The following CBR4 variants were observed in gnomAD, a reference collection of about 807,000 sequenced individuals.
The protein encoded by CBR4 is 3-oxoacyl-[acyl-carrier-protein] reductase.
Under a neutral mutation model 21.0 loss-of-function variants are expected in CBR4, and 22 were observed. That is an observed-to-expected ratio of 1.05 (90% CI 0.75 to 1.50). The LOEUF (loss-of-function observed/expected upper bound fraction) is 1.50. Ranked by LOEUF, CBR4 falls within the 40% of genes most tolerant of loss-of-function variation. The pLI is 0.00. For synonymous variants in CBR4, 100 were observed against 104.4 expected (o/e 0.96, Z 0.26); for missense variants, 302 against 286.3 (o/e 1.05, Z -0.40).
At chr4:168,939,588 G>A (rs1050762248) in intron 2 of CBR4, among the ~76,000 whole-genome samples, 3 of 152,098 alleles carry the variant, frequency 2.0e-5, no homozygotes, top group African/African-American at 2.4e-5. Flanking sequence ...GATAAGCAAC[G>A]TCAGCAAAGT....
chr4:168,931,122 T>C (rs1762958712), intron 2 of CBR4, among the ~76,000 whole-genome samples: 1 of 152,180 alleles, frequency 6.6e-6, no homozygotes, highest in African/African-American at 2.4e-5. Context: ...CATCATTGCC[T>C]GAACTTCCAG....
chr4:168,903,522 G>T (rs1756997355), intron 2 of CBR4, among the ~76,000 whole-genome samples: 1 of 151,942 alleles, frequency 6.6e-6, no homozygotes, highest in African/African-American at 2.4e-5. Context: ...ATGAATGTAA[G>T]TGCAATATTT....
chr4:168,915,830 G>T, intron 2 of CBR4: 1 of 1,262,450 alleles, frequency 7.9e-7, no homozygotes, highest in South Asian at 1.2e-5. Flanking sequence ...GAAAACAGAT[G>T]ACTAAAAGTC....
At chr4:168,962,265 A>G (rs1477756126) in intron 2 of CBR4, among the ~76,000 whole-genome samples, 1 of 152,006 alleles carries the variant, frequency 6.6e-6, no homozygotes, top group African/African-American at 2.4e-5. Flanking sequence ...ATACACAACC[A>G]TATATTACAT....
intron 2 of CBR4, among the ~76,000 whole-genome samples, chr4:168,949,316 G>A (rs1763476270): frequency 6.6e-6 from 1 of 152,124 alleles, no homozygotes; most frequent in African/African-American, 2.4e-5. Flanking sequence ...AGCAAACAGT[G>A]ACAGTTTGAC....
chr4:168,925,167 T>TAATAA, intron 2 of CBR4: 1 of 1,582,682 alleles, frequency 6.3e-7, no homozygotes, highest in East Asian at 2.2e-5. Flanking sequence ...TTACTCTTTA[T>TAATAA]AAACAACTAT....
At chr4:168,935,615 AT>A (rs1178055408) in intron 2 of CBR4, among the ~76,000 whole-genome samples, 6 of 152,132 alleles carry the variant, frequency 3.9e-5, no homozygotes, top group Admixed American at 2.6e-4. Flanking sequence ...GTAGGCAGTT[AT>A]CCCCTCACGG....
chr4:168,960,647 T>C (rs1276748627), intron 2 of CBR4, among the ~76,000 whole-genome samples: 2 of 152,214 alleles, frequency 1.3e-5, no homozygotes, highest in Non-Finnish European at 2.9e-5. Flanking sequence ...AAAAACACCT[T>C]TATTAGAATA....
At chr4:169,003,178 T>C (rs1010639571) in intron 3 of CBR4, among the ~76,000 whole-genome samples, 3 of 152,226 alleles carry the variant, frequency 2.0e-5, no homozygotes, top group African/African-American at 7.2e-5. Context: ...CTCTTAGGAA[T>C]CTGGGCAAAG....
chr4:168,921,632 G>A lies in CBR4; in HGVS notation n.170-26867C>T, dbSNP rs764562462. ...AGATGCTGGTGCGTGAGAACGGGGT[G>A]CACTCTCTGATCATAGAGCCAGTCA... On this transcript the variant is annotated intron_variant and non_coding_transcript_variant, in intron 2 of 3. Transcript: ENST00000509108. 3 of 1,611,114 alleles carry A rather than the reference G, an allele frequency of 1.9e-6. No homozygotes were observed. The highest frequency in any genetic ancestry group is 2.5e-6 in the Non-Finnish European group (3 of 1,179,566).
At chr4:168,960,108 G>A (rs918762242) in intron 2 of CBR4, among the ~76,000 whole-genome samples, 2 of 152,082 alleles carry the variant, frequency 1.3e-5, no homozygotes, top group African/African-American at 2.4e-5. Flanking sequence ...TAATGCTACT[G>A]TAAATGGAAT....
At position 169,001,976 on chromosome 4, in the gene CBR4, A is replaced by G. The variant is rs112633930; in HGVS notation, c.535+95T>C. On this transcript the variant is annotated intron_variant, in intron 4 of 4. Transcript: ENST00000306193. ...TCTTTTCACAATCATTTTACAAACT[A>G]TTCTACCCAGATGTCAATTACTAAT... is the stretch of plus-strand genomic sequence containing the variant. The G allele has an allele frequency of 3.5e-3, 4,131 of 1,174,902 alleles. 137 individuals carry two copies. In the African/African-American group the frequency reaches 0.059, roughly 17 times the overall value. The allele number at this position is 1,174,902 out of a possible 1,614,324, so 72.8% of individuals were successfully genotyped here. A position where few individuals can be genotyped will look rare whatever the true frequency, so the allele number is the denominator to read the frequency against.
chr4:168,961,492 A>G (rs977643974), intron 2 of CBR4, among the ~76,000 whole-genome samples: 1 of 152,192 alleles, frequency 6.6e-6, no homozygotes, highest in Non-Finnish European at 1.5e-5. Flanking sequence ...AAAATGTAAA[A>G]TTCAATATGT....
At chr4:168,968,415 A>G (rs1764107814) in intron 2 of CBR4, among the ~76,000 whole-genome samples, 1 of 152,224 alleles carries the variant, frequency 6.6e-6, no homozygotes, top group African/African-American at 2.4e-5. Context: ...AGAGGGCAGA[A>G]GAGTTGATAC....
rs755692427 is a variant in CBR4 at position 169,009,984 on chromosome 4, G to A, written c.106C>T (p.Leu36=). The A allele has an allele frequency of 6.2e-7, 1 of 1,613,144 alleles. No homozygotes were observed. The highest frequency in any genetic ancestry group is 8.5e-7 in the Non-Finnish European group (1 of 1,179,776). ...GYRLAVIARN[L]EGAKAAAGDL... ...CCGGCGGCGGCTTTGGCCCCTTCCAGGTTTCTGGCAATGACCGCCAGTCGG... is the reference window on the plus strand; with the variant it reads ...CCGGCGGCGGCTTTGGCCCCTTCCAAGTTTCTGGCAATGACCGCCAGTCGG... Residue 36 remains leucine (L), a synonymous_variant, in exon 1 of 5, where the codon CTG becomes TTG. Coordinates refer to ENST00000306193, the MANE Select transcript of CBR4 (RefSeq NM_032783.5).
intron 2 of CBR4, among the ~76,000 whole-genome samples, chr4:168,907,607 G>A (rs971705515): frequency 1.3e-5 from 2 of 152,186 alleles, no homozygotes; most frequent in Non-Finnish European, 2.9e-5. Flanking sequence ...TCAGGGCCAA[G>A]AGAAGCCCCA....
intron 2 of CBR4, chr4:168,898,098 G>A: frequency 3.7e-6 from 1 of 270,758 alleles, no homozygotes; most frequent in Non-Finnish European, 7.2e-6. Flanking sequence ...GTGGAGAGAT[G>A]TACCACCCTG....
chr4:168,924,203 T>G, intron 2 of CBR4: 2 of 1,514,218 alleles, frequency 1.3e-6, no homozygotes, highest in Non-Finnish European at 1.8e-6. Flanking sequence ...GAATTCTTTC[T>G]AGTGCTCCTT....
At chr4:168,902,979 T>G (rs998789537) in intron 2 of CBR4, among the ~76,000 whole-genome samples, 2 of 152,054 alleles carry the variant, frequency 1.3e-5, no homozygotes, top group African/African-American at 4.8e-5. Context: ...CCCAGGCTGG[T>G]CTTGAATTCC....
Sources: allele counts gnomAD v4.1 joint callset (sites outside exome capture counted in the v4.1 genomes callset), GRCh38; gene constraint gnomAD v4.1.1; transcripts MANE v1.5; gene names NCBI Gene and HGNC (gene_info 2026-07-23, HGNC 2026-07-21).